USP48: variants seen among roughly 807,000 people sequenced by gnomAD.
USP48 encodes the protein ubiquitin specific peptidase 48, also known as ubiquitin carboxyl-terminal hydrolase 48.
Under a neutral mutation model 150.7 loss-of-function variants are expected in USP48, and 43 were observed. That is an observed-to-expected ratio of 0.29 (90% confidence interval 0.22 to 0.37). The LOEUF (loss-of-function observed/expected upper bound fraction) is 0.37. USP48 is among the 10% of genes least tolerant of loss of function. The pLI, the probability that USP48 is intolerant of heterozygous loss-of-function variation, is 1.00. For synonymous variants in USP48, 396 were observed against 425.9 expected (o/e 0.93, Z 0.86); for missense variants, 813 against 1,249.6 (o/e 0.65, Z 5.27).
At chr1:21,739,177 G>A (rs2097775402) in intron 8 of USP48, among the ~76,000 whole-genome samples, 1 of 151,976 alleles carries the variant, frequency 6.6e-6, no homozygotes, top group Non-Finnish European at 1.5e-5. Flanking sequence ...TTCATAAAAG[G>A]TGAGGAGTCT....
At chr1:21,690,507 T>C (rs1399704472) in intron 23 of USP48, among the ~76,000 whole-genome samples, 1 of 151,466 alleles carries the variant, frequency 6.6e-6, no homozygotes, top group Non-Finnish European at 1.5e-5. Flanking sequence ...TCCAAATTCT[T>C]TCTTTTTTCT....
At chr1:21,716,462 A>G (rs1391372543) in intron 14 of USP48, among the ~76,000 whole-genome samples, 3 of 152,202 alleles carry the variant, frequency 2.0e-5, no homozygotes, top group Admixed American at 6.5e-5. Context: ...GCTACTCAGA[A>G]CAGTGTGAAA....
chr1:21,751,473 G>C, intron 6 of USP48, 34 bp downstream of exon 6: 1 of 1,495,902 alleles, frequency 6.7e-7, no homozygotes, highest in Non-Finnish European at 9.3e-7. Flanking sequence ...ACTGTTAATG[G>C]GCAGGAACAA....
rs187345883 is a variant in USP48 at position 21,699,487 on chromosome 1, C to T, written c.2727+2011G>A. 1.2e-3 allele frequency among the ~76,000 whole-genome samples: 174 copies of T among 151,056 alleles called. 1 individual carries two copies. The highest frequency in any genetic ancestry group is 1.4e-3 in the African/African-American group (59 of 41,110). ...TGCTGGAATTACAGGCATGAGCCAC[C>T]GTGCCTGGCCTAATTTTTGTATTTT... On this transcript the variant is annotated intron_variant, in intron 22 of 26. Transcript: ENST00000308271.
chr1:21,756,941 T>A, intron 2 of USP48: 1 of 985,400 alleles, frequency 1.0e-6, no homozygotes, highest in African/African-American at 1.7e-5. Context: ...CTCTAGCATA[T>A]CGTCTTCTCC....
chr1:21,696,742 T>C (rs1363412948), intron 22 of USP48, among the ~76,000 whole-genome samples: 2 of 152,130 alleles, frequency 1.3e-5, no homozygotes, highest in Non-Finnish European at 2.9e-5. Flanking sequence ...GTGTGCATGA[T>C]ACATGCGGTA....
chr1:21,771,855 T>G (rs1049376483), intron 1 of USP48, among the ~76,000 whole-genome samples: 2 of 151,318 alleles, frequency 1.3e-5, no homozygotes, highest in Admixed American at 6.6e-5. Flanking sequence ...GAGGTGGAAG[T>G]TGTGGTGAGC....
intron 9 of USP48, among the ~76,000 whole-genome samples, chr1:21,730,246 G>A (rs1249387484): frequency 6.6e-6 from 1 of 152,006 alleles, no homozygotes; most frequent in Admixed American, 6.6e-5. Flanking sequence ...TTCAAGACCA[G>A]CCTGGCCAAA....
intron 8 of USP48, among the ~76,000 whole-genome samples, chr1:21,742,565 G>C (rs1279969851): frequency 6.9e-6 from 1 of 145,218 alleles, no homozygotes; most frequent in Non-Finnish European, 1.5e-5. Context: ...GAAAAGAAAA[G>C]AAAAAGAAAA....
chr1:21,740,369 GTT>G (rs1329460913), intron 8 of USP48, among the ~76,000 whole-genome samples: 1 of 152,138 alleles, frequency 6.6e-6, no homozygotes, highest in African/African-American at 2.4e-5. Context: ...GAATTCTTTG[GTT>G]TAGAAGATTA....
intron 25 of USP48, chr1:21,685,785 G>A (rs1486861680): frequency 3.3e-5 from 5 of 152,168 alleles, no homozygotes; most frequent in Non-Finnish European, 5.9e-5. Flanking sequence ...AGTTGTTTAA[G>A]AGTGTTTTGG....
rs76426035 is a variant in USP48 at position 21,716,413 on chromosome 1, C to T, written c.1895-956G>A. 2.6e-3 allele frequency among the ~76,000 whole-genome samples: 394 copies of T among 152,216 alleles called. 1 individual carries two copies. Among genetic ancestry groups the T allele is most frequent in the African/African-American group, 8.4e-3 (348 of 41,520 alleles). On this transcript the variant is annotated intron_variant, in intron 14 of 26. Transcript: ENST00000308271. Reference sequence around the variant, plus strand: ...ACACAGGGAAAACTCATGTCGCAGGCAGGATGAAGCAGGAGGGTATGAGAT... The same window carrying T: ...ACACAGGGAAAACTCATGTCGCAGGTAGGATGAAGCAGGAGGGTATGAGAT...
intron 25 of USP48, 146 bp from the exon 26 acceptor site, chr1:21,680,980 G>A: frequency 1.6e-6 from 1 of 613,322 alleles, no homozygotes. Context: ...AGTTACGGAT[G>A]TTACTAATTT....
rs1302878183 is a variant in USP48 at position 21,729,765 on chromosome 1, T to C, written c.1239A>G (p.Ala413=). The change falls in exon 10 of 27, where the codon GCA becomes GCG. Residue 413 remains alanine (A), a synonymous_variant. Coordinates refer to ENST00000308271, the MANE Select transcript of USP48 (RefSeq NM_032236.8). Reference sequence around the variant, plus strand: ...TTTGCAGTCTATAAACCAACATATATGCATTTCGAGAGCAATGAGTTCCTT... The same window carrying C: ...TTTGCAGTCTATAAACCAACATATACGCATTTCGAGAGCAATGAGTTCCTT... ...CGKGTHCSRN[A]YMLVYRLQTQ... 1.2e-6 allele frequency: 2 copies of C among 1,614,152 alleles called. No homozygotes were observed. The highest frequency in any genetic ancestry group is 1.7e-6 in the Non-Finnish European group (2 of 1,179,998).
intron 14 of USP48, among the ~76,000 whole-genome samples, chr1:21,720,114 C>T (rs986898526): frequency 3.3e-5 from 5 of 152,088 alleles, no homozygotes; most frequent in Admixed American, 6.5e-5. Flanking sequence ...GAGGAATTTA[C>T]AAGGAAAAAG....
rs986036553 is a variant in USP48, at chr1:21,743,878, T to C, written c.991+3189A>G. Among the ~76,000 whole-genome samples the C allele has an allele frequency of 2.6e-4, 40 of 151,996 alleles. 1 individual carries two copies. The highest frequency in any genetic ancestry group is 2.1e-4 in the South Asian group (1 of 4,818). On this transcript the variant is annotated intron_variant, in intron 8 of 26. Transcript: ENST00000308271. Reference sequence around the variant, plus strand: ...ATGCTGAGATACATGAAACTTCAACTATAGAAGGACAAGGCAAGGTAAGGC... The same window carrying C: ...ATGCTGAGATACATGAAACTTCAACCATAGAAGGACAAGGCAAGGTAAGGC...
chr1:21,744,777 T>TAAAAAAAAAA (rs10699993), intron 8 of USP48, among the ~76,000 whole-genome samples: 5 of 59,590 alleles, frequency 8.4e-5, no homozygotes, highest in Admixed American at 2.7e-4. Context: ...ACTCTATCTC[T>TAAAAAAAAAA]AAAAAAAAAA....
intron 22 of USP48, among the ~76,000 whole-genome samples, chr1:21,697,350 T>C (rs1039537436): frequency 1.3e-5 from 2 of 152,120 alleles, no homozygotes; most frequent in Admixed American, 6.5e-5. Flanking sequence ...TGAAACATTT[T>C]TCTCAGTCTC....
rs1415179426 is a variant in USP48 at position 21,752,646 on chromosome 1, A to G, written c.546T>C (p.Ala182=). The G allele has an allele frequency of 6.3e-7, 1 of 1,595,594 alleles. No homozygotes were observed. The highest frequency in any genetic ancestry group is 1.1e-5 in the South Asian group (1 of 87,400). ...LGLDTGQQQD[A]QEFSKLFMSL... ...ACATAAAGAGCTTTGAAAATTCTTG[A>G]GCATCCTACAAGTTTAGGTTAATGA... is the stretch of plus-strand genomic sequence containing the variant. The change falls in exon 5 of 27, where the codon GCT becomes GCC. Residue 182 remains alanine, a synonymous_variant. Coordinates refer to ENST00000308271, the MANE Select transcript of USP48 (RefSeq NM_032236.8).
Sources: allele counts gnomAD v4.1 joint callset (sites outside exome capture counted in the v4.1 genomes callset), GRCh38; gene constraint gnomAD v4.1.1; transcripts MANE v1.5; gene names NCBI Gene and HGNC (gene_info 2026-07-23, HGNC 2026-07-21).